Variants in KCNN3 observed in about 807,000 individuals in gnomAD.
The protein encoded by KCNN3 is small conductance calcium-activated potassium channel protein 3.
KCNN3 carries 16 observed loss-of-function variants against 62.9 expected under a neutral mutation model. The observed-to-expected ratio is 0.25, with a 90% CI of 0.17 to 0.39. The LOEUF is 0.39. Among genes scored for constraint, KCNN3 ranks in the 10% least tolerant of loss-of-function variants. The pLI, the probability that KCNN3 is intolerant of heterozygous loss-of-function variation, is 1.00. For missense variants in KCNN3, 599 were observed against 949.4 expected (o/e 0.63, Z 4.85); for synonymous variants, 370 against 389.2 (o/e 0.95, Z 0.58).
chr1:154,822,848 C>T (rs1215610269), intron 1 of KCNN3, among the ~76,000 whole-genome samples: 2 of 152,200 alleles, frequency 1.3e-5, no homozygotes, highest in Non-Finnish European at 2.9e-5. Context: ...GAGGTGAGCC[C>T]CGTGGCCTCC....
At chr1:154,787,484 G>A (rs1702181) in intron 2 of KCNN3, among the ~76,000 whole-genome samples, 1,962 of 152,320 alleles carry the variant, frequency 0.013, 37 homozygotes, top group African/African-American at 0.044. Context: ...GCAAGTTCCT[G>A]ATGAACCAGG....
At chr1:154,828,538 A>G (rs1034069463) in intron 1 of KCNN3, among the ~76,000 whole-genome samples, 1 of 152,160 alleles carries the variant, frequency 6.6e-6, no homozygotes, top group Admixed American at 6.5e-5. Context: ...AGGATTTGAA[A>G]CCAAAAGGCC....
intron 4 of KCNN3, among the ~76,000 whole-genome samples, chr1:154,727,124 G>A (rs1442297738): frequency 2.6e-5 from 4 of 152,198 alleles, no homozygotes; most frequent in Non-Finnish European, 5.9e-5. Flanking sequence ...TTCTGCAAGC[G>A]GACTCCCGTC....
At chr1:154,815,420 G>A (rs922531880) in intron 2 of KCNN3, among the ~76,000 whole-genome samples, 24 of 152,102 alleles carry the variant, frequency 1.6e-4, no homozygotes, top group South Asian at 4.2e-4. Context: ...CATCATCTCC[G>A]CGTGAAACCT....
chr1:154,715,071 A>T, intron 5 of KCNN3, 68 bp from the exon 6 acceptor site: 1 of 1,563,724 alleles, frequency 6.4e-7, no homozygotes. Flanking sequence ...TGTGGTTGCT[A>T]CTGTAGTCTA....
rs961911084 is a variant in KCNN3 at position 154,751,172 on chromosome 1, C to A, written c.1449-18028G>T. On this transcript the variant is annotated intron_variant, in intron 3 of 7. Transcript: ENST00000271915. The stretch of plus-strand genomic sequence containing the variant: ...TGGGAGCTCAGACCCGCCCAACTCG[C>A]GGTGTGAGTCTGGACAAGTTGCTTC... Among the ~76,000 whole-genome samples, 4 of 152,296 alleles carry A rather than the reference C, an allele frequency of 2.6e-5. No individual in the cohort carries two copies. In the East Asian group the frequency reaches 7.7e-4, roughly 29 times the overall value.
At chr1:154,718,171 G>A (rs1471128956) in intron 5 of KCNN3, among the ~76,000 whole-genome samples, 1 of 152,208 alleles carries the variant, frequency 6.6e-6, no homozygotes, top group African/African-American at 2.4e-5. Context: ...ATGGGTTTGG[G>A]GATGGTTAGG....
At chr1:154,790,105 G>C (rs771233786) in intron 2 of KCNN3, among the ~76,000 whole-genome samples, 17 of 152,016 alleles carry the variant, frequency 1.1e-4, no homozygotes, top group Non-Finnish European at 2.2e-4. Flanking sequence ...GAGAAATGAG[G>C]ATTCGCTACA....
At chr1:154,787,866 C>G (rs1478649959) in intron 2 of KCNN3, among the ~76,000 whole-genome samples, 2 of 149,228 alleles carry the variant, frequency 1.3e-5, no homozygotes, top group African/African-American at 2.5e-5. Context: ...TCTCTGTCCT[C>G]CCATAGGCTG....
At chr1:154,859,796 G>A in intron 1 of KCNN3, 3 of 1,613,860 alleles carry the variant, frequency 1.9e-6, no homozygotes, top group Non-Finnish European at 2.5e-6. Flanking sequence ...TAAGGAGTAG[G>A]TGCCAGCTCA....
At chr1:154,839,760 G>T (rs927392058) in intron 1 of KCNN3, among the ~76,000 whole-genome samples, 85 of 6,936 alleles carry the variant, frequency 0.012, no homozygotes, top group Admixed American at 0.076. Context: ...CCTTCTGGGG[G>T]CCCTGGCCAC....
intron 1 of KCNN3, among the ~76,000 whole-genome samples, chr1:154,824,860 G>T (rs114509837): frequency 6.6e-6 from 1 of 152,084 alleles, no homozygotes; most frequent in East Asian, 1.9e-4. Context: ...CTGCTTCTTG[G>T]TTTTGGCCAG....
intron 2 of KCNN3, among the ~76,000 whole-genome samples, chr1:154,777,160 C>T (rs903766849): frequency 6.6e-6 from 1 of 152,290 alleles, no homozygotes. Flanking sequence ...ATAGACTAGA[C>T]AATCCCCAAG....
intron 2 of KCNN3, among the ~76,000 whole-genome samples, chr1:154,782,867 T>G (rs1011707507): frequency 6.6e-6 from 1 of 152,244 alleles, no homozygotes; most frequent in African/African-American, 2.4e-5. Context: ...GCCAGCCTGC[T>G]AAGCAGGCAC....
intron 1 of KCNN3, among the ~76,000 whole-genome samples, chr1:154,866,747 C>G (rs1278148137): frequency 6.6e-6 from 1 of 152,228 alleles, no homozygotes; most frequent in Non-Finnish European, 1.5e-5. Context: ...AGCTACTGCC[C>G]CCTCGGTGCA....
chr1:154,729,805 T>C (rs1000653428), intron 4 of KCNN3, among the ~76,000 whole-genome samples: 9 of 152,210 alleles, frequency 5.9e-5, no homozygotes, highest in African/African-American at 1.9e-4. Context: ...TCTTTTTGCC[T>C]CCTCCCGAAA....
At chr1:154,733,897 C>G (rs1700652615) in intron 3 of KCNN3, among the ~76,000 whole-genome samples, 1 of 152,210 alleles carries the variant, frequency 6.6e-6, no homozygotes, top group African/African-American at 2.4e-5. Flanking sequence ...GAGATGAATA[C>G]CACACAGCCC....
Position 154,869,821 on chromosome 1 carries a change from T to G in KCNN3, c.144A>C (p.Pro48=). 6.4e-7 allele frequency: 1 copy of G among 1,562,322 alleles called. No homozygotes were observed. Among genetic ancestry groups the G allele is most frequent in the Non-Finnish European group, 8.7e-7 (1 of 1,153,408 alleles). The change falls in exon 1 of 8, where the codon CCA becomes CCC. Residue 48 remains proline (P), a synonymous_variant. Coordinates refer to ENST00000271915, the MANE Select transcript of KCNN3 (RefSeq NM_002249.6). This position sits in a 1 kb window ranked among gnomAD's most constrained non-coding sequence, Gnocchi z 6.1. ...QQQQPPPPAP[P]AAPQQPLGPS... ...GTCCCAGGGGCTGCTGGGGGGCTGC[T>G]GGTGGCGCTGGCGGTGGTGGCTGCT...
At position 154,708,218 on chromosome 1, in the gene KCNN3, G is replaced by A. The variant is rs1173956185; in HGVS notation, c.1954C>T (p.Leu652=). The change falls in exon 8 of 8, where the codon CTG becomes TTG. Residue 652 remains leucine, a synonymous_variant. Coordinates refer to ENST00000271915, the MANE Select transcript of KCNN3 (RefSeq NM_002249.6). ...TCCAGGCTGCCAATCTGCTTCTCCA[G>A]GTCTTCGCTCCGGTCATTGAGTTCT... ...ITELNDRSED[L]EKQIGSLESK... is the part of the protein sequence containing the mutation. 2.5e-6 allele frequency: 4 copies of A among 1,613,794 alleles called. No individual in the cohort carries two copies. The highest frequency in any genetic ancestry group is 1.7e-5 in the Admixed American group (1 of 59,998).
Sources: allele counts gnomAD v4.1 joint callset (sites outside exome capture counted in the v4.1 genomes callset), GRCh38; gene constraint gnomAD v4.1.1; non-coding constraint Gnocchi (gnomAD v3.1); transcripts MANE v1.5; gene names NCBI Gene and HGNC (gene_info 2026-07-23, HGNC 2026-07-21).